The following ENTPD5 variants were observed in gnomAD, a reference collection of about 807,000 sequenced individuals.
The protein encoded by ENTPD5 is ectonucleoside triphosphate diphosphohydrolase 5 (inactive), also known as nucleoside diphosphate phosphatase ENTPD5.
A neutral mutation model predicts 60.2 loss-of-function variants in ENTPD5; 49 were observed. The ratio of observed to expected loss-of-function variants is 0.81; its 90% CI spans 0.65 to 1.03. The LOEUF (loss-of-function observed/expected upper bound fraction) is 1.03. Ranked by LOEUF, ENTPD5 falls within the 50% of genes least tolerant of loss-of-function variation. The pLI is 0.00. For synonymous variants in ENTPD5, 187 were observed against 185.4 expected (o/e 1.01, Z -0.07); for missense variants, 480 against 507.6 (o/e 0.95, Z 0.52).
downstream of ENTPD5, chr14:73,961,928 CTT>C: frequency 9.9e-6 from 16 of 1,613,384 alleles, no homozygotes; most frequent in Non-Finnish European, 1.4e-5. Context: ...AGAGGAATGA[CTT>C]TGCAAACAGC....
In ENTPD5 at chr14:73,963,340, T is replaced by G. The variant is rs2056841141; in HGVS notation, c.*3588A>C. On this transcript the variant is annotated 3_prime_UTR_variant, in exon 16 of 16. Coordinates refer to ENST00000334696, the MANE Select transcript of ENTPD5 (RefSeq NM_001249.5). The stretch of plus-strand genomic sequence containing the variant: ...TTTACATTTTGTTTTTGTTTTAATG[T>G]TGGTCATAAATTTATACAGTTGTTT... 4.6e-6 allele frequency: 2 copies of G among 430,618 alleles called. No individual in the cohort carries two copies. The highest frequency in any genetic ancestry group is 8.2e-6 in the Non-Finnish European group (2 of 244,458). 26.7% of individuals were successfully genotyped at this position (430,618 alleles called of 1,614,324 possible). A position where few individuals can be genotyped will look rare whatever the true frequency, so the allele number is the denominator to read the frequency against.
At chr14:73,987,061 G>C (rs774891253) in intron 4 of ENTPD5, 168 bp from the exon 5 acceptor site, 10 of 713,300 alleles carry the variant, frequency 1.4e-5, no homozygotes, top group Non-Finnish European at 2.6e-5. Context: ...AGAAGGACTA[G>C]AGCAACCTCT....
intron 10 of ENTPD5, among the ~76,000 whole-genome samples, chr14:73,975,403 C>CT (rs56885977): frequency 3.6e-4 from 42 of 115,538 alleles, no homozygotes; most frequent in African/African-American, 6.8e-4. Context: ...GCTTTTGATT[C>CT]TTTTTTTTTT....
chr14:73,976,568 GT>G (rs1293230682), intron 8 of ENTPD5, among the ~76,000 whole-genome samples, 156 bp from the exon 9 acceptor site: 1 of 151,674 alleles, frequency 6.6e-6, no homozygotes, highest in East Asian at 1.9e-4. Flanking sequence ...AAGGACTCTT[GT>G]TGCAGCAGAG....
At chr14:73,995,789 AGG>A (rs1197378214) in intron 3 of ENTPD5, among the ~76,000 whole-genome samples, 1 of 152,022 alleles carries the variant, frequency 6.6e-6, no homozygotes, top group African/African-American at 2.4e-5. Context: ...TAGACTAGGG[AGG>A]TATGTATACG....
At chr14:74,008,230 G>A (rs1258413781) in intron 3 of ENTPD5, among the ~76,000 whole-genome samples, 1 of 152,096 alleles carries the variant, frequency 6.6e-6, no homozygotes, top group East Asian at 1.9e-4. Flanking sequence ...CTGGGGGAGG[G>A]ATTGAACAGA....
chr14:74,006,276 C>T (rs111463425), intron 3 of ENTPD5, among the ~76,000 whole-genome samples: 11,804 of 148,146 alleles, frequency 0.08, 613 homozygotes, highest in South Asian at 0.27. Flanking sequence ...TTAGCCACCT[C>T]GCCAAGCCTT....
intron 10 of ENTPD5, among the ~76,000 whole-genome samples, chr14:73,975,195 C>T (rs2057389423): frequency 6.6e-6 from 1 of 152,120 alleles, no homozygotes; most frequent in African/African-American, 2.4e-5. Context: ...CCACAGTTAT[C>T]ATTCAAAGGC....
intron 6 of ENTPD5, among the ~76,000 whole-genome samples, chr14:73,979,516 G>A (rs890110623): frequency 3.4e-5 from 5 of 147,098 alleles, no homozygotes; most frequent in Non-Finnish European, 7.4e-5. Context: ...CTGTCACCCA[G>A]GCTGGAGTGC....
At chr14:73,958,147 A>G, downstream of ENTPD5, 1 of 1,613,770 alleles carries the variant, frequency 6.2e-7, no homozygotes. Flanking sequence ...ACCTCCCCAG[A>G]CCGAGTGACG....
At chr14:73,974,034 G>T in intron 11 of ENTPD5, 56 bp from the exon 12 acceptor site, 1 of 1,480,840 alleles carries the variant, frequency 6.8e-7, no homozygotes, top group South Asian at 1.1e-5. Context: ...GAGGGAGGAA[G>T]GCAAGCAAGA....
chr14:73,969,927 C>G, intron 15 of ENTPD5, 83 bp downstream of exon 15: 1 of 965,392 alleles, frequency 1.0e-6, no homozygotes, highest in South Asian at 1.3e-5. Flanking sequence ...CTTCTAGCTA[C>G]TCTGATTACT....
intron 3 of ENTPD5, among the ~76,000 whole-genome samples, chr14:74,009,717 C>T (rs983659794): frequency 3.3e-5 from 5 of 152,232 alleles, no homozygotes; most frequent in African/African-American, 1.2e-4. Context: ...TCCTGCAATC[C>T]TCCTGCCTCA....
intron 2 of ENTPD5, among the ~76,000 whole-genome samples, chr14:74,015,366 C>A (rs1353362257): frequency 4.4e-5 from 4 of 90,800 alleles, no homozygotes; most frequent in African/African-American, 8.6e-5. Context: ...CCCGCCCCCC[C>A]TTTTTTTTTT....
chr14:73,962,998 G>A (rs530209384), downstream of ENTPD5: 41 of 1,607,348 alleles, frequency 2.6e-5, no homozygotes, highest in East Asian at 6.9e-4. Flanking sequence ...GCAAGCAAAT[G>A]AGTACTCCTC....
At chr14:73,995,861 T>C (rs560084587) in intron 3 of ENTPD5, among the ~76,000 whole-genome samples, 1 of 152,070 alleles carries the variant, frequency 6.6e-6, no homozygotes, top group Non-Finnish European at 1.5e-5. Flanking sequence ...TTGCTCACTA[T>C]CTCTTATTCA....
At position 73,964,108 on chromosome 14, in the gene ENTPD5, G is replaced by C. The variant is rs2056875665; in HGVS notation, c.*2820C>G. On this transcript the variant is annotated 3_prime_UTR_variant, in exon 16 of 16. Transcript: ENST00000334696. The stretch of plus-strand genomic sequence containing the variant: ...TCACAAAAAATGGAAAGGTGGCCTA[G>C]ATGAGGAGGACACAGACTCTCCAGA... 2 of 152,224 alleles carry C rather than the reference G, an allele frequency of 1.3e-5. No homozygotes were observed. The highest frequency in any genetic ancestry group is 1.3e-4 in the Admixed American group (2 of 15,290). 9.4% of individuals were successfully genotyped at this position (152,224 alleles called of 1,614,324 possible). A position where few individuals can be genotyped will look rare whatever the true frequency, so the allele number is the denominator to read the frequency against.
At chr14:73,992,679 G>C (rs1439271286) in intron 3 of ENTPD5, among the ~76,000 whole-genome samples, 2 of 132,174 alleles carry the variant, frequency 1.5e-5, no homozygotes, top group Admixed American at 8.1e-5. Context: ...ACAAGACTCC[G>C]TCTCAAAAAA....
chr14:74,005,449 C>T (rs2058648456), intron 3 of ENTPD5, among the ~76,000 whole-genome samples: 1 of 151,510 alleles, frequency 6.6e-6, no homozygotes, highest in African/African-American at 2.4e-5. Context: ...AATCCTCCAC[C>T]TTGGCCTCTC....
Sources: gnomAD v4.1 joint callset for allele counts (sites outside exome capture counted in the v4.1 genomes callset) on GRCh38, gnomAD v4.1.1 for gene constraint, MANE v1.5 for transcripts, NCBI Gene and HGNC (gene_info 2026-07-23, HGNC 2026-07-21) for gene names.